Variants in ROBO2 observed in about 807,000 individuals in gnomAD.
ROBO2 encodes the protein roundabout guidance receptor 2.
Under a neutral mutation model 160.8 loss-of-function variants are expected in ROBO2, and 53 were observed. The ratio of observed to expected loss-of-function variants is 0.33; its 90% confidence interval spans 0.26 to 0.41. ROBO2 has a LOEUF of 0.41. ROBO2 is among the 10% of genes least tolerant of loss of function. ROBO2 has a pLI of 1.00. For synonymous variants in ROBO2, 664 were observed against 611.7 expected (o/e 1.09, Z -1.26); for missense variants, 1,577 against 1,722.4 (o/e 0.92, Z 1.49).
intron 2 of ROBO2, among the ~76,000 whole-genome samples, chr3:77,462,600 A>G (rs2082357168): frequency 6.6e-6 from 1 of 152,238 alleles, no homozygotes; most frequent in Non-Finnish European, 1.5e-5. Context: ...TGGGAAAGAC[A>G]GTATAATTTG....
intron 2 of ROBO2, among the ~76,000 whole-genome samples, chr3:77,243,679 C>T (rs1448283129): frequency 6.6e-6 from 1 of 152,188 alleles, no homozygotes; most frequent in African/African-American, 2.4e-5. Flanking sequence ...GCTTGAAACC[C>T]AGCACTGTCA....
At chr3:76,327,306 G>T (rs777648848) in intron 2 of ROBO2, among the ~76,000 whole-genome samples, 1 of 151,800 alleles carries the variant, frequency 6.6e-6, no homozygotes, top group Non-Finnish European at 1.5e-5. Context: ...ACCTAAATTG[G>T]TAATATTTAT....
At chr3:77,242,041 A>T (rs1405913996) in intron 2 of ROBO2, among the ~76,000 whole-genome samples, 1 of 152,170 alleles carries the variant, frequency 6.6e-6, no homozygotes, top group Non-Finnish European at 1.5e-5. Flanking sequence ...TCTTTTAGCA[A>T]CTTACTTTGA....
intron 2 of ROBO2, among the ~76,000 whole-genome samples, chr3:76,701,101 G>A (rs1207723035): frequency 6.6e-6 from 1 of 151,958 alleles, no homozygotes; most frequent in Admixed American, 6.6e-5. Context: ...GTCTTCCACA[G>A]CACCAAAGAA....
At chr3:76,044,977 T>C (rs1295579387) in intron 2 of ROBO2, among the ~76,000 whole-genome samples, 1 of 152,090 alleles carries the variant, frequency 6.6e-6, no homozygotes, top group Non-Finnish European at 1.5e-5. Flanking sequence ...AGGGGCCAAG[T>C]TGCAGGTGAA....
chr3:77,049,217 A>G (rs1037346790), intron 1 of ROBO2, among the ~76,000 whole-genome samples: 2 of 151,968 alleles, frequency 1.3e-5, no homozygotes, highest in South Asian at 4.2e-4. Flanking sequence ...GTGGTCTCAG[A>G]TACTTGGGAG....
intron 2 of ROBO2, among the ~76,000 whole-genome samples, chr3:76,279,245 A>G (rs1257785667): frequency 6.6e-6 from 1 of 151,716 alleles, no homozygotes; most frequent in Non-Finnish European, 1.5e-5. Flanking sequence ...AATTAGATAG[A>G]TAAACTTTAG....
At chr3:76,497,045 T>C (rs1164717545) in intron 2 of ROBO2, among the ~76,000 whole-genome samples, 1 of 152,218 alleles carries the variant, frequency 6.6e-6, no homozygotes, top group Non-Finnish European at 1.5e-5. Context: ...ACATCACCTT[T>C]TGTGGCTTCT....
intron 2 of ROBO2, among the ~76,000 whole-genome samples, chr3:77,364,573 C>A (rs1429714571): frequency 2.6e-5 from 4 of 152,092 alleles, no homozygotes; most frequent in Admixed American, 6.6e-5. Context: ...AAAAGAGAAC[C>A]ATTTTGGGGT....
intron 12 of ROBO2, among the ~76,000 whole-genome samples, chr3:77,565,423 A>G (rs1464202858): frequency 1.3e-5 from 2 of 152,144 alleles, no homozygotes; most frequent in African/African-American, 4.8e-5. Flanking sequence ...CTTCTTTAAA[A>G]TTAATTACAC....
intron 1 of ROBO2, among the ~76,000 whole-genome samples, chr3:77,058,812 A>T (rs1559922066): frequency 6.6e-6 from 1 of 152,020 alleles, no homozygotes. Context: ...TACTGGGATT[A>T]CAGAGGCAAG....
chr3:77,502,993 C>A (rs1029924078), intron 5 of ROBO2, among the ~76,000 whole-genome samples: 11 of 151,756 alleles, frequency 7.2e-5, no homozygotes, highest in African/African-American at 2.7e-4. Context: ...AGTTCTCAGA[C>A]CAAATTTAAG....
chr3:76,234,442 T>C (rs544217591), intron 2 of ROBO2, among the ~76,000 whole-genome samples: 9 of 152,284 alleles, frequency 5.9e-5, no homozygotes, highest in African/African-American at 2.2e-4. Context: ...GTTTTTGCCA[T>C]TACTTTTAGT....
chr3:77,389,603 C>A (rs545437171), intron 2 of ROBO2, among the ~76,000 whole-genome samples: 1 of 152,156 alleles, frequency 6.6e-6, no homozygotes, highest in Non-Finnish European at 1.5e-5. Flanking sequence ...ATATTTCTTA[C>A]ATTTATATTT....
At chr3:76,526,968 A>C in intron 2 of ROBO2, among the ~76,000 whole-genome samples, 1 of 152,122 alleles carries the variant, frequency 6.6e-6, no homozygotes, top group Non-Finnish European at 1.5e-5. Flanking sequence ...TAGAAGCCAC[A>C]ATGATGTATG....
chr3:76,264,018 A>G (rs745439349), intron 2 of ROBO2, among the ~76,000 whole-genome samples: 29 of 152,178 alleles, frequency 1.9e-4, no homozygotes, highest in Non-Finnish European at 2.8e-4. Context: ...CAGCTGAACA[A>G]TGAGAACACA....
chr3:76,621,210 T>C (rs777540590), intron 2 of ROBO2, among the ~76,000 whole-genome samples: 18 of 152,084 alleles, frequency 1.2e-4, no homozygotes, highest in Non-Finnish European at 1.5e-5. Context: ...TACAGATTTG[T>C]GTGGCATGTC....
chr3:76,875,344 C>T (rs1289054796), intron 2 of ROBO2, among the ~76,000 whole-genome samples: 1 of 152,196 alleles, frequency 6.6e-6, no homozygotes, highest in African/African-American at 2.4e-5. Context: ...TTTGCTATAG[C>T]AGCACAAAGG....
At chr3:77,399,181 G>A (rs1238516591) in intron 2 of ROBO2, among the ~76,000 whole-genome samples, 2 of 152,038 alleles carry the variant, frequency 1.3e-5, no homozygotes, top group Non-Finnish European at 2.9e-5. Context: ...ATTCTAGAAA[G>A]GCACTTAAAA....
Sources: gnomAD v4.1 joint callset for allele counts (sites outside exome capture counted in the v4.1 genomes callset) on GRCh38, gnomAD v4.1.1 for gene constraint, MANE v1.5 for transcripts, NCBI Gene and HGNC (gene_info 2026-07-23, HGNC 2026-07-21) for gene names.